SLC25A26: variants seen among roughly 807,000 people sequenced by gnomAD.
SLC25A26 encodes the protein solute carrier family 25 member 26, also known as mitochondrial S-adenosylmethionine carrier protein.
SLC25A26 carries 36 observed loss-of-function variants against 37.8 expected under a neutral mutation model. That is an observed-to-expected ratio of 0.95 (90% CI 0.73 to 1.26). The LOEUF (loss-of-function observed/expected upper bound fraction) is 1.26. Ranked by LOEUF, SLC25A26 falls within the 50% of genes most tolerant of loss-of-function variation. The probability of loss-of-function intolerance (pLI) is 0.00; values close to 1 mark genes in which losing one functional copy is unlikely to be tolerated. For synonymous variants in SLC25A26, 129 were observed against 122.5 expected, an observed-to-expected ratio of 1.05 and a Z score of -0.35; for missense variants, 390 against 331.1, an observed-to-expected ratio of 1.18 and a Z score of -1.38.
rs142662080 is a variant in SLC25A26, at chr3:66,329,188, G to A, written c.454-17176G>A. 1.1e-4 allele frequency among the ~76,000 whole-genome samples: 17 copies of A among 152,262 alleles called. No homozygotes were observed. In the East Asian group the frequency reaches 3.3e-3, roughly 29 times the overall value. ...CCTTTCAGTAAAATAAGAGCTTACT[G>A]TAAAGTTCTCTGCAAAAGATTTTCC... On this transcript the variant is annotated intron_variant, in intron 5 of 9. Transcript: ENST00000354883.
At chr3:66,350,487 C>G (rs1400942357) in intron 6 of SLC25A26, among the ~76,000 whole-genome samples, 1 of 152,178 alleles carries the variant, frequency 6.6e-6, no homozygotes, top group African/African-American at 2.4e-5. Flanking sequence ...TTCTTAGTAC[C>G]TTATGTTTTC....
At chr3:66,234,042 CTCTG>C (rs2072157168) in intron 1 of SLC25A26, among the ~76,000 whole-genome samples, 1 of 152,184 alleles carries the variant, frequency 6.6e-6, no homozygotes, top group Admixed American at 6.5e-5. Flanking sequence ...GTTCTATTCT[CTCTG>C]TATTTTGAGA....
intron 5 of SLC25A26, among the ~76,000 whole-genome samples, chr3:66,273,037 T>A (rs973778653): frequency 6.6e-6 from 1 of 152,180 alleles, no homozygotes; most frequent in African/African-American, 2.4e-5. Flanking sequence ...CTTTTCTGCA[T>A]CTGTTGAGAT....
At chr3:66,262,300 T>C in intron 4 of SLC25A26, 145 bp downstream of exon 4, 1 of 458,000 alleles carries the variant, frequency 2.2e-6, no homozygotes, top group Non-Finnish European at 3.8e-6. Context: ...TTGCTAAGAT[T>C]ATCTTTGCCT....
intron 1 of SLC25A26, among the ~76,000 whole-genome samples, chr3:66,208,885 T>TATATATATATACAC (rs1196757082): frequency 9.5e-6 from 1 of 105,606 alleles, no homozygotes; most frequent in African/African-American, 3.2e-5. Flanking sequence ...TATATATATA[T>TATATATATATACAC]ACACCTTTAT....
chr3:66,184,391 T>C (rs905305359), intron 1 of SLC25A26, among the ~76,000 whole-genome samples: 9 of 151,880 alleles, frequency 5.9e-5, no homozygotes, highest in Non-Finnish European at 7.4e-5. Context: ...CACCCTATCA[T>C]ACTGGTCTTA....
At chr3:66,307,981 C>T (rs78637772) in intron 5 of SLC25A26, among the ~76,000 whole-genome samples, 25,975 of 151,946 alleles carry the variant, frequency 0.17, 3,330 homozygotes, top group East Asian at 0.68. Flanking sequence ...CTTGGCTATA[C>T]GGGTCTTCTT....
At chr3:66,277,476 G>A (rs1406407584) in intron 5 of SLC25A26, among the ~76,000 whole-genome samples, 1 of 152,020 alleles carries the variant, frequency 6.6e-6, no homozygotes, top group East Asian at 1.9e-4. Flanking sequence ...GGTACAAATT[G>A]TCAGTTATAG....
chr3:66,296,563 A>G (rs1400241141), intron 5 of SLC25A26, among the ~76,000 whole-genome samples: 2 of 152,188 alleles, frequency 1.3e-5, no homozygotes, highest in South Asian at 2.1e-4. Flanking sequence ...CATAGGGAGT[A>G]TGTGTTCATA....
chr3:66,146,199 G>C (rs1559549920), intron 1 of SLC25A26, among the ~76,000 whole-genome samples: 1 of 152,134 alleles, frequency 6.6e-6, no homozygotes, highest in African/African-American at 2.4e-5. Context: ...AATTAGCCGG[G>C]TGTGGTGGCA....
intron 1 of SLC25A26, among the ~76,000 whole-genome samples, chr3:66,178,574 T>A (rs2106749369): frequency 6.6e-6 from 1 of 152,256 alleles, no homozygotes; most frequent in Non-Finnish European, 1.5e-5. Context: ...TGGGTTCTCC[T>A]GATAGACTAA....
rs1268308758 is a variant in SLC25A26, at chr3:66,284,335, C to A, written c.453+20956C>A. On this transcript the variant is annotated intron_variant, in intron 5 of 9. Coordinates refer to ENST00000354883, the MANE Select transcript of SLC25A26 (RefSeq NM_001379210.1). The stretch of plus-strand genomic sequence containing the variant: ...CTGTACTCCAGTCTGGGCAATAGAG[C>A]AATGTTAGAAAGAATGCTGAGTGCT... 3.5e-4 allele frequency among the ~76,000 whole-genome samples: 54 copies of A among 152,206 alleles called. 1 individual carries two copies. Among genetic ancestry groups the A allele is most frequent in the Non-Finnish European group, 2.9e-5 (2 of 68,002 alleles).
At chr3:66,327,791 T>C (rs2075874902) in intron 5 of SLC25A26, among the ~76,000 whole-genome samples, 1 of 152,192 alleles carries the variant, frequency 6.6e-6, no homozygotes, top group Non-Finnish European at 1.5e-5. Context: ...CTTCCTAAAT[T>C]TGTAGTCCTG....
intron 9 of SLC25A26, among the ~76,000 whole-genome samples, chr3:66,375,045 TGAATACACAAATGATAAGTGTAACA>T (rs1700566516): frequency 6.6e-6 from 1 of 152,104 alleles, no homozygotes; most frequent in Non-Finnish European, 1.5e-5. Context: ...TGCTATCCAG[TGAATACACAAATGATAAGTGTAACA>T]GCCTCATTGC....
intron 6 of SLC25A26, among the ~76,000 whole-genome samples, chr3:66,352,697 G>A (rs1164490432): frequency 6.6e-6 from 1 of 151,730 alleles, no homozygotes; most frequent in African/African-American, 2.4e-5. Flanking sequence ...CCAGGGTCTG[G>A]GGATACAGTG....
intron 1 of SLC25A26, among the ~76,000 whole-genome samples, chr3:66,135,954 T>G (rs1445237694): frequency 6.6e-6 from 1 of 152,226 alleles, no homozygotes; most frequent in Non-Finnish European, 1.5e-5. Context: ...ATCTTGGTCT[T>G]TGGCTAAGCT....
intron 1 of SLC25A26, among the ~76,000 whole-genome samples, chr3:66,203,735 C>T (rs2071138219): frequency 6.6e-6 from 1 of 152,094 alleles, no homozygotes; most frequent in Non-Finnish European, 1.5e-5. Context: ...AAAAGTAATC[C>T]ATTACATCCA....
chr3:66,266,464 T>A (rs1313829961), intron 5 of SLC25A26, among the ~76,000 whole-genome samples: 2 of 152,178 alleles, frequency 1.3e-5, no homozygotes, highest in Non-Finnish European at 2.9e-5. Flanking sequence ...CAATTTTTTC[T>A]TTAAACTGGT....
In SLC25A26 at chr3:66,150,601, GAGATATATATATATATATATAT is replaced by G. The variant is rs1407193089; in HGVS notation, c.-354+16619_-354+16640del. ...ATATATCATGATATATATATGTAATGAGATATATATATATATATATATATATATATATATATATATATATATA... is the reference window on the plus strand; with the variant it reads ...ATATATCATGATATATATATGTAATGATATATATATATATATATATATATA... On this transcript the variant is annotated intron_variant, in intron 1 of 10. Coordinates refer to the SLC25A26 transcript ENST00000676754. Among the ~76,000 whole-genome samples, 267 of 40,842 alleles carry G rather than the reference GAGATATATATATATATATATAT, an allele frequency of 6.5e-3. 1 individual carries two copies. Among genetic ancestry groups the G allele is most frequent in the African/African-American group, 0.022 (240 of 10,960 alleles). The allele number at this position is 40,842 out of a possible 152,430, so 26.8% of individuals were successfully genotyped here.
Sources: allele counts gnomAD v4.1 joint callset (sites outside exome capture counted in the v4.1 genomes callset), GRCh38; gene constraint gnomAD v4.1.1; transcripts MANE v1.5; gene names NCBI Gene and HGNC (gene_info 2026-07-23, HGNC 2026-07-21).